Variants in SNX8 observed in about 807,000 individuals in gnomAD.
The protein encoded by SNX8 is sorting nexin-8.
SNX8 carries 25 observed loss-of-function variants against 51.6 expected under a neutral mutation model. The ratio of observed to expected loss-of-function variants is 0.48; its 90% CI spans 0.35 to 0.68. SNX8 has a LOEUF of 0.68. SNX8 is among the 30% of genes least tolerant of loss of function. The pLI is 0.00. For synonymous variants in SNX8, 324 were observed against 277.0 expected, an observed-to-expected ratio of 1.17 and a Z score of -1.68; for missense variants, 695 against 624.0, an observed-to-expected ratio of 1.11 and a Z score of -1.21.
chr7:2,273,452 G>T (rs928234334), intron 3 of SNX8, among the ~76,000 whole-genome samples: 1 of 151,782 alleles, frequency 6.6e-6, no homozygotes, highest in Non-Finnish European at 1.5e-5. Flanking sequence ...CAGGCGTGGT[G>T]GCGGGCGCCT....
chr7:2,256,534 G>A (rs1167066509), intron 10 of SNX8, among the ~76,000 whole-genome samples: 1 of 152,206 alleles, frequency 6.6e-6, no homozygotes. Flanking sequence ...AGCCACCTGC[G>A]GCGCTCCGAA....
chr7:2,308,534 G>T (rs552267048), intron 1 of SNX8, among the ~76,000 whole-genome samples: 9 of 151,850 alleles, frequency 5.9e-5, no homozygotes, highest in Non-Finnish European at 1.2e-4. Flanking sequence ...TGGGCATGGT[G>T]GCACACGCCT....
At chr7:2,295,480 G>A (rs1286018774) in intron 1 of SNX8, among the ~76,000 whole-genome samples, 1 of 149,418 alleles carries the variant, frequency 6.7e-6, no homozygotes, top group Non-Finnish European at 1.5e-5. Flanking sequence ...CAAGGCAGGT[G>A]GATCACCTGA....
intron 7 of SNX8, among the ~76,000 whole-genome samples, chr7:2,259,581 C>G (rs113831938): frequency 6.6e-6 from 1 of 152,364 alleles, no homozygotes; most frequent in African/African-American, 2.4e-5. Flanking sequence ...CTTCCACCCT[C>G]CAGACCTCAG....
At chr7:2,351,341 CAGG>C (rs1194185544) in intron 1 of SNX8, among the ~76,000 whole-genome samples, 2 of 152,038 alleles carry the variant, frequency 1.3e-5, no homozygotes, top group East Asian at 1.9e-4. Context: ...TGCTTGAGCC[CAGG>C]AGTTGAAGAC....
intron 1 of SNX8, among the ~76,000 whole-genome samples, chr7:2,303,312 C>G (rs1318712986): frequency 6.7e-6 from 1 of 148,506 alleles, no homozygotes; most frequent in Non-Finnish European, 1.5e-5. Context: ...CGGCCAGCCG[C>G]CCCGTCCGGG....
intron 1 of SNX8, among the ~76,000 whole-genome samples, chr7:2,289,264 A>C (rs1269152798): frequency 6.6e-6 from 1 of 151,460 alleles, no homozygotes; most frequent in Non-Finnish European, 1.5e-5. Flanking sequence ...GCTGTTACGA[A>C]CATTCCAGCA....
chr7:2,290,024 C>A (rs1796117611), intron 1 of SNX8, among the ~76,000 whole-genome samples: 1 of 152,102 alleles, frequency 6.6e-6, no homozygotes, highest in South Asian at 2.1e-4. Context: ...GAAACCCTAC[C>A]TCTACTAAAA....
At chr7:2,270,403 G>C (rs929264178) in intron 4 of SNX8, among the ~76,000 whole-genome samples, 1 of 151,554 alleles carries the variant, frequency 6.6e-6, no homozygotes, top group Admixed American at 6.6e-5. Flanking sequence ...GAGGCGGGAG[G>C]ATCGCTGGAG....
chr7:2,269,526 A>T, intron 5 of SNX8, 33 bp downstream of exon 5: 3 of 1,291,666 alleles, frequency 2.3e-6, no homozygotes, highest in African/African-American at 3.1e-5. Context: ...AATAAATTAA[A>T]AAAAAAAAAA....
intron 1 of SNX8, among the ~76,000 whole-genome samples, chr7:2,328,232 A>C (rs1778662815): frequency 1.3e-5 from 2 of 151,976 alleles, no homozygotes; most frequent in Non-Finnish European, 2.9e-5. Flanking sequence ...TTCTGTTTTT[A>C]GTAGAGACAG....
At chr7:2,302,792 CGA>C (rs1796431969) in intron 1 of SNX8, among the ~76,000 whole-genome samples, 19 of 151,022 alleles carry the variant, frequency 1.3e-4, no homozygotes, top group Non-Finnish European at 1.9e-4. Flanking sequence ...TGCCCGGCCG[CGA>C]CCTCGTCTGG....
At chr7:2,267,728 C>CA (rs1795506048) in intron 5 of SNX8, among the ~76,000 whole-genome samples, 1 of 146,114 alleles carries the variant, frequency 6.8e-6, no homozygotes. Flanking sequence ...TCTGCCCGGC[C>CA]GCCACCCCGT....
intron 10 of SNX8, among the ~76,000 whole-genome samples, chr7:2,255,602 G>C (rs1795158431): frequency 6.6e-6 from 1 of 152,180 alleles, no homozygotes; most frequent in Non-Finnish European, 1.5e-5. Flanking sequence ...AGTCGGATGT[G>C]GTGGCACCTG....
intron 1 of SNX8, among the ~76,000 whole-genome samples, chr7:2,278,693 C>T (rs1447967539): frequency 8.7e-6 from 1 of 114,392 alleles, no homozygotes; most frequent in Non-Finnish European, 1.7e-5. Context: ...ACTACGGAGT[C>T]GACGCCGGAC....
At chr7:2,352,489 G>T (rs542837191) in intron 1 of SNX8, among the ~76,000 whole-genome samples, 2 of 152,150 alleles carry the variant, frequency 1.3e-5, no homozygotes, top group Non-Finnish European at 2.9e-5. Flanking sequence ...TGTTCTATTA[G>T]TTATTGCTGT....
chr7:2,308,500 T>G (rs1025862187), intron 1 of SNX8, among the ~76,000 whole-genome samples: 1 of 151,700 alleles, frequency 6.6e-6, no homozygotes, highest in African/African-American at 2.4e-5. Flanking sequence ...AAACCCCGAC[T>G]CTACTAAAAA....
Position 2,257,470 on chromosome 7 carries a change from C to T in SNX8, c.1029G>A (p.Gln343=). 1 of 1,607,722 alleles carries T rather than the reference C, an allele frequency of 6.2e-7. No homozygotes were observed. Among genetic ancestry groups the T allele is most frequent in the Non-Finnish European group, 8.5e-7 (1 of 1,178,470 alleles). ...RHEKGVLHKH[Q]RALHKYSLMK... ...TCAGGCTGTACTTGTGCAGGGCCCGCTGGTGCTTGTGCAACACGCCCTTCT... is the reference window on the plus strand; with the variant it reads ...TCAGGCTGTACTTGTGCAGGGCCCGTTGGTGCTTGTGCAACACGCCCTTCT... The change falls in exon 9 of 11, where the codon CAG becomes CAA. Residue 343 remains glutamine, a synonymous_variant. Coordinates refer to ENST00000222990, the MANE Select transcript of SNX8 (RefSeq NM_013321.4).
At chr7:2,289,698 T>C (rs1306905449) in intron 1 of SNX8, among the ~76,000 whole-genome samples, 1 of 152,122 alleles carries the variant, frequency 6.6e-6, no homozygotes, top group Non-Finnish European at 1.5e-5. Flanking sequence ...GAACATAGTT[T>C]CGGAAGAAAA....
Sources: gnomAD v4.1 joint callset for allele counts (sites outside exome capture counted in the v4.1 genomes callset) on GRCh38, gnomAD v4.1.1 for gene constraint, MANE v1.5 for transcripts, NCBI Gene and HGNC (gene_info 2026-07-23, HGNC 2026-07-21) for gene names.